Variants in DGKB observed in about 807,000 individuals in gnomAD.
DGKB encodes 90 kDa diacylglycerol kinase.
Under a neutral mutation model 114.3 loss-of-function variants are expected in DGKB, and 67 were observed. That is an observed-to-expected ratio of 0.59 (90% CI 0.48 to 0.72). The LOEUF is 0.72. DGKB is among the 30% of genes least tolerant of loss of function. The pLI is 0.00. For missense variants in DGKB, 907 were observed against 975.2 expected (o/e 0.93, Z 0.93); for synonymous variants, 398 against 323.1 (o/e 1.23, Z -2.49).
At chr7:14,177,554 CAAAAAAAAAA>C (rs56019837) in intron 24 of DGKB, among the ~76,000 whole-genome samples, 1 of 69,016 alleles carries the variant, frequency 1.4e-5, no homozygotes, top group African/African-American at 5.4e-5. Flanking sequence ...AACTCCGTCT[CAAAAAAAAAA>C]AAAAAAAAAA....
At chr7:14,803,206 A>G (rs972369424) in intron 2 of DGKB, among the ~76,000 whole-genome samples, 1 of 152,058 alleles carries the variant, frequency 6.6e-6, no homozygotes, top group Non-Finnish European at 1.5e-5. Flanking sequence ...CCTCTGGAGC[A>G]GTTGAGCTTA....
intron 6 of DGKB, among the ~76,000 whole-genome samples, chr7:14,714,133 A>G (rs1827815491): frequency 6.6e-6 from 1 of 151,626 alleles, no homozygotes; most frequent in Non-Finnish European, 1.5e-5. Context: ...AAGGGTACAA[A>G]AGAGAGCAAA....
intron 1 of DGKB, among the ~76,000 whole-genome samples, chr7:14,881,246 G>C (rs1854182003): frequency 1.3e-5 from 2 of 152,058 alleles, no homozygotes. Flanking sequence ...TTGAAGTTGA[G>C]CATCTTTTCA....
rs138653388 is a variant in DGKB, at chr7:14,194,899, T to C, written c.2123-16748A>G. Among the ~76,000 whole-genome samples, 315 of 151,462 alleles carry C rather than the reference T, an allele frequency of 2.1e-3. 1 individual carries two copies. The highest frequency in any genetic ancestry group is 7.4e-3 in the African/African-American group (308 of 41,520). On this transcript the variant is annotated intron_variant, in intron 23 of 25. Coordinates refer to ENST00000402815, the MANE Select transcript of DGKB (RefSeq NM_001350709.2). Reference sequence around the variant, plus strand: ...AGTACAGCATATTGTCAACAACCTCTCTATAGCGACCAAAGGAGTTCAGGG... The same window carrying C: ...AGTACAGCATATTGTCAACAACCTCCCTATAGCGACCAAAGGAGTTCAGGG...
chr7:14,351,973 T>C (rs1249521848), intron 21 of DGKB, among the ~76,000 whole-genome samples: 1 of 152,150 alleles, frequency 6.6e-6, no homozygotes, highest in East Asian at 1.9e-4. Flanking sequence ...ATCACTGCAG[T>C]GGAGACATTT....
chr7:14,813,752 G>C (rs1281358126), intron 2 of DGKB, among the ~76,000 whole-genome samples: 2 of 151,796 alleles, frequency 1.3e-5, no homozygotes, highest in Non-Finnish European at 2.9e-5. Context: ...TTCTTTCATT[G>C]AATCTTTTAC....
chr7:14,432,130 T>A (rs1432210876), intron 21 of DGKB, among the ~76,000 whole-genome samples: 1 of 152,174 alleles, frequency 6.6e-6, no homozygotes, highest in African/African-American at 2.4e-5. Flanking sequence ...CAGAATAAAT[T>A]CCTGATTTAC....
At chr7:14,184,000 T>G (rs530172267) in intron 23 of DGKB, among the ~76,000 whole-genome samples, 1 of 152,280 alleles carries the variant, frequency 6.6e-6, no homozygotes, top group Admixed American at 6.5e-5. Context: ...GAGACCCTCC[T>G]CTCCCCATCA....
intron 21 of DGKB, among the ~76,000 whole-genome samples, chr7:14,411,091 G>A (rs532481666): frequency 1.3e-5 from 2 of 152,220 alleles, no homozygotes; most frequent in South Asian, 2.1e-4. Flanking sequence ...CCACACCATC[G>A]GGAGGGTAAA....
chr7:14,501,025 A>C (rs1786086639), intron 20 of DGKB, among the ~76,000 whole-genome samples: 1 of 151,896 alleles, frequency 6.6e-6, no homozygotes, highest in African/African-American at 2.4e-5. Context: ...AGAAAATATT[A>C]ATAAGCTTGA....
intron 13 of DGKB, among the ~76,000 whole-genome samples, chr7:14,638,389 G>C (rs1398210178): frequency 6.6e-6 from 1 of 152,016 alleles, no homozygotes; most frequent in South Asian, 2.1e-4. Context: ...AGTTACCAAT[G>C]ATTTTTTAAA....
At chr7:14,754,891 T>G (rs1365536491) in intron 3 of DGKB, among the ~76,000 whole-genome samples, 2 of 152,122 alleles carry the variant, frequency 1.3e-5, no homozygotes, top group Non-Finnish European at 1.5e-5. Context: ...CCTTCCTATC[T>G]AAGAGGATGT....
At chr7:14,152,969 C>G (rs1378532240) in intron 25 of DGKB, among the ~76,000 whole-genome samples, 1 of 152,032 alleles carries the variant, frequency 6.6e-6, no homozygotes, top group Non-Finnish European at 1.5e-5. Context: ...AAGTCCACTC[C>G]CATAAAACAT....
At chr7:14,646,813 G>A (rs1813122940) in intron 13 of DGKB, among the ~76,000 whole-genome samples, 1 of 151,790 alleles carries the variant, frequency 6.6e-6, no homozygotes, top group South Asian at 2.1e-4. Context: ...ATACCTATGG[G>A]ATAGAGCAAA....
chr7:14,872,144 A>G (rs760089572), intron 1 of DGKB, among the ~76,000 whole-genome samples: 16 of 152,186 alleles, frequency 1.1e-4, no homozygotes, highest in Non-Finnish European at 1.6e-4. Context: ...CTAGGGTTTA[A>G]TAAGAACCTG....
chr7:14,682,471 T>C, intron 12 of DGKB, 82 bp downstream of exon 12: 1 of 921,314 alleles, frequency 1.1e-6, no homozygotes, highest in Non-Finnish European at 1.7e-6. Context: ...GAAGCCCTTC[T>C]AGGGTAGGAC....
chr7:14,398,478 T>C (rs1419806208), intron 21 of DGKB, among the ~76,000 whole-genome samples: 1 of 152,008 alleles, frequency 6.6e-6, no homozygotes, highest in Non-Finnish European at 1.5e-5. Flanking sequence ...ATTCACACTA[T>C]CATTTTCAAA....
At chr7:14,231,752 G>T (rs971858619) in intron 23 of DGKB, among the ~76,000 whole-genome samples, 1 of 151,814 alleles carries the variant, frequency 6.6e-6, no homozygotes, top group East Asian at 1.9e-4. Flanking sequence ...GTGTCTGAAG[G>T]TTCACTTTAA....
At chr7:14,673,062 T>C in intron 12 of DGKB, 35 bp from the exon 13 acceptor site, 2 of 1,288,286 alleles carry the variant, frequency 1.6e-6, no homozygotes, top group Non-Finnish European at 2.2e-6. Context: ...TATCAAATTC[T>C]ACATGACAAC....
Sources: gnomAD v4.1 joint callset for allele counts (sites outside exome capture counted in the v4.1 genomes callset) on GRCh38, gnomAD v4.1.1 for gene constraint, MANE v1.5 for transcripts, NCBI Gene and HGNC (gene_info 2026-07-23, HGNC 2026-07-21) for gene names.